The following RBFOX1 variants were observed in gnomAD, a reference collection of about 807,000 sequenced individuals.
RBFOX1 encodes RNA binding protein fox-1 homolog 1.
A neutral mutation model predicts 57.7 loss-of-function variants in RBFOX1; 8 were observed. The observed-to-expected ratio is 0.14, with a 90% CI of 0.08 to 0.25. The LOEUF (loss-of-function observed/expected upper bound fraction) is 0.25, where lower values mean the gene tolerates loss of function less well. Among genes scored for constraint, RBFOX1 ranks in the 10% least tolerant of loss-of-function variants. The pLI, the probability that RBFOX1 is intolerant of heterozygous loss-of-function variation, is 1.00. For missense variants in RBFOX1, 611 were observed against 548.5 expected (o/e 1.11, Z -1.14); for synonymous variants, 326 against 222.4 (o/e 1.47, Z -4.15).
intron 4 of RBFOX1, among the ~76,000 whole-genome samples, chr16:7,121,333 A>G (rs1194530371): frequency 6.6e-6 from 1 of 152,110 alleles, no homozygotes; most frequent in Non-Finnish European, 1.5e-5. Flanking sequence ...ATCTTTAATC[A>G]CAGATAATAG....
chr16:7,069,922 C>G (rs2056972336), intron 4 of RBFOX1, among the ~76,000 whole-genome samples: 2 of 152,192 alleles, frequency 1.3e-5, no homozygotes, highest in African/African-American at 2.4e-5. Context: ...GAAACGGAAA[C>G]TAAAATAGTA....
chr16:6,387,889 G>A lies in RBFOX1; in HGVS notation c.-64+70832G>A, dbSNP rs547055335. On this transcript the variant is annotated intron_variant, in intron 2 of 15. Coordinates refer to ENST00000550418, the MANE Select transcript of RBFOX1 (RefSeq NM_018723.4). ...GTGTGTGGCTTCCACCTGGCTCTGA[G>A]AAGCACTGTGTACCCCAGTCACTAT... Among the ~76,000 whole-genome samples the A allele has an allele frequency of 4.6e-5, 7 of 151,460 alleles. No homozygotes were observed. The South Asian group carries it at 1.5e-3, about 32-fold the overall frequency.
chr16:6,541,439 A>G (rs1275056449), intron 2 of RBFOX1, among the ~76,000 whole-genome samples: 3 of 152,226 alleles, frequency 2.0e-5, no homozygotes, highest in East Asian at 3.9e-4. Context: ...AGTTGGTCAC[A>G]GTGCAGGGAT....
At chr16:7,546,825 C>G (rs1011857095) in intron 5 of RBFOX1, among the ~76,000 whole-genome samples, 31 of 152,318 alleles carry the variant, frequency 2.0e-4, no homozygotes, top group African/African-American at 7.2e-4. Flanking sequence ...CCATTTTTCA[C>G]TGTGACAAAT....
chr16:6,151,198 G>T (rs891691877), intron 1 of RBFOX1, among the ~76,000 whole-genome samples: 1 of 152,066 alleles, frequency 6.6e-6, no homozygotes, highest in Non-Finnish European at 1.5e-5. Flanking sequence ...TCTATTTGGG[G>T]TGTTCTCCCA....
intron 4 of RBFOX1, among the ~76,000 whole-genome samples, chr16:7,446,306 A>C (rs2098807245): frequency 6.6e-6 from 1 of 152,174 alleles, no homozygotes; most frequent in African/African-American, 2.4e-5. Flanking sequence ...TTGAGTTTGT[A>C]ATCTCAGGAG....
At chr16:7,577,057 T>C (rs1289688628) in intron 5 of RBFOX1, among the ~76,000 whole-genome samples, 1 of 152,212 alleles carries the variant, frequency 6.6e-6, no homozygotes, top group Admixed American at 6.5e-5. Flanking sequence ...TGTTTGGGTT[T>C]CAGTGTTACA....
chr16:6,066,782 G>C (rs1429375418), intron 1 of RBFOX1, among the ~76,000 whole-genome samples: 1 of 152,124 alleles, frequency 6.6e-6, no homozygotes, highest in African/African-American at 2.4e-5. Flanking sequence ...GCTGAAGCTG[G>C]CCATATGGTT....
chr16:5,258,537 A>G (rs1029899409), intron 1 of RBFOX1, among the ~76,000 whole-genome samples: 5 of 152,070 alleles, frequency 3.3e-5, no homozygotes, highest in Non-Finnish European at 7.3e-5. Flanking sequence ...TTTTTCTTTG[A>G]GCAAAGATAA....
chr16:6,498,973 G>T (rs2095847422), intron 2 of RBFOX1, among the ~76,000 whole-genome samples: 1 of 152,118 alleles, frequency 6.6e-6, no homozygotes, highest in African/African-American at 2.4e-5. Flanking sequence ...TTGGCAAAAA[G>T]CGACTTATGG....
chr16:7,196,779 A>C (rs1225347379), intron 4 of RBFOX1, among the ~76,000 whole-genome samples: 2 of 152,086 alleles, frequency 1.3e-5, no homozygotes, highest in African/African-American at 4.8e-5. Flanking sequence ...CAGGCTTTTG[A>C]GGATGGGTGG....
intron 4 of RBFOX1, among the ~76,000 whole-genome samples, chr16:7,195,547 G>A (rs775488340): frequency 9.2e-5 from 14 of 152,174 alleles, no homozygotes; most frequent in East Asian, 1.9e-4. Context: ...CTTTATTTAT[G>A]TATTTATTTA....
intron 4 of RBFOX1, among the ~76,000 whole-genome samples, chr16:7,129,581 G>C (rs1010953075): frequency 6.6e-6 from 1 of 152,086 alleles, no homozygotes; most frequent in African/African-American, 2.4e-5. Context: ...GAAAAAAATT[G>C]AGGAATTACA....
At chr16:7,288,406 C>T (rs912231846) in intron 4 of RBFOX1, among the ~76,000 whole-genome samples, 1 of 152,238 alleles carries the variant, frequency 6.6e-6, no homozygotes, top group Non-Finnish European at 1.5e-5. Flanking sequence ...TATCTTCCCT[C>T]ATTCTCAGCT....
intron 3 of RBFOX1, among the ~76,000 whole-genome samples, chr16:5,709,561 C>G (rs74006219): frequency 7.3e-4 from 111 of 151,788 alleles, no homozygotes; most frequent in African/African-American, 2.5e-3. Flanking sequence ...TAATCCATCT[C>G]TCATTCTCCC....
At chr16:6,210,668 A>C (rs1184450788) in intron 1 of RBFOX1, among the ~76,000 whole-genome samples, 1 of 152,056 alleles carries the variant, frequency 6.6e-6, no homozygotes, top group African/African-American at 2.4e-5. Flanking sequence ...GGCTGCATTG[A>C]GCTGTGATTG....
chr16:5,618,575 G>T (rs1192790710), intron 3 of RBFOX1, among the ~76,000 whole-genome samples: 1 of 152,178 alleles, frequency 6.6e-6, no homozygotes, highest in Non-Finnish European at 1.5e-5. Context: ...CTGACCCTGT[G>T]ATCTGCCTGC....
chr16:7,165,965 C>CACACACACATAG (rs749385448), intron 4 of RBFOX1, among the ~76,000 whole-genome samples: 1 of 147,314 alleles, frequency 6.8e-6, no homozygotes, highest in Non-Finnish European at 1.5e-5. Context: ...CACACACACA[C>CACACACACATAG]ATACATACAT....
intron 3 of RBFOX1, among the ~76,000 whole-genome samples, chr16:6,965,302 C>T (rs1047917962): frequency 2.0e-5 from 3 of 149,924 alleles, no homozygotes; most frequent in Non-Finnish European, 4.4e-5. Flanking sequence ...AATCCAATTT[C>T]CTTTTTCTTT....
Sources: allele counts gnomAD v4.1 joint callset (sites outside exome capture counted in the v4.1 genomes callset), GRCh38; gene constraint gnomAD v4.1.1; transcripts MANE v1.5; gene names NCBI Gene and HGNC (gene_info 2026-07-23, HGNC 2026-07-21).